FGD2: variants seen among roughly 807,000 people sequenced by gnomAD.
FGD2 encodes FYVE, RhoGEF and PH domain containing 2, also known as FYVE, RhoGEF and PH domain-containing protein 2.
In FGD2, 52 loss-of-function variants were observed where a neutral mutation model predicts 75.9. That is an observed-to-expected ratio of 0.69 (90% confidence interval 0.55 to 0.86). FGD2 has a LOEUF of 0.86. Ranked by LOEUF, FGD2 falls within the 40% of genes least tolerant of loss-of-function variation. FGD2 has a pLI of 0.00. For synonymous variants in FGD2, 347 were observed against 348.6 expected (o/e 1.00, Z 0.05); for missense variants, 790 against 872.0 (o/e 0.91, Z 1.18).
Position 37,008,965 on chromosome 6 carries a change from C to T in FGD2, c.200C>T (p.Thr67Ile). The T allele has an allele frequency of 1.9e-6, 3 of 1,614,262 alleles. No individual in the cohort carries two copies. The highest frequency in any genetic ancestry group is 2.5e-6 in the Non-Finnish European group (3 of 1,180,046). The change falls in exon 2 of 16, where the codon ACA becomes ATA. Residue 67 changes from threonine (T) to isoleucine (I), a missense_variant. Thr to Ile is a moderately conservative substitution (Grantham distance 89). Transcript: ENST00000274963. ...GAGGCCGTGGGGTCTGAGCCCAGGA[C>T]AGTCAGCAGGAGGTACCTGAACTCC... ...VGEAVGSEPR[T>I]VSRRYLNSLK...
chr6:37,016,263 TGAC>T (rs1200846346), intron 9 of FGD2, among the ~76,000 whole-genome samples: 1 of 152,200 alleles, frequency 6.6e-6, no homozygotes, highest in Non-Finnish European at 1.5e-5. Context: ...TAAGATGGGC[TGAC>T]AACTGACCCC....
At chr6:37,012,962 C>CTGTG (rs60644967) in intron 4 of FGD2, 2,496 of 125,888 alleles carry the variant, frequency 0.02, 147 homozygotes, top group African/African-American at 0.057. Context: ...TGGAAAAGTT[C>CTGTG]TGTGTGTGTG....
intron 6 of FGD2, 46 bp from the exon 7 acceptor site, chr6:37,014,600 C>T (rs1403935772): frequency 1.3e-5 from 21 of 1,607,258 alleles, no homozygotes; most frequent in Non-Finnish European, 1.7e-5. Flanking sequence ...CCCCAGCCAC[C>T]AGCCCTAGAT....
Position 37,027,556 on chromosome 6 carries a change from A to T in FGD2, c.1733A>T (p.Tyr578Phe), listed in dbSNP as rs200327931. The change falls in exon 15 of 16, where the codon TAT (tyrosine) becomes TTT (phenylalanine). Residue 578 changes from tyrosine to phenylalanine, a missense_variant. By Grantham distance (22) the Tyr-to-Phe change is conservative (BLOSUM62 3). Transcript: ENST00000274963. ...CCTCGGGATGACCCCCTCGTGCTCT[A>T]TGTCTATGCTGCCCCTCAGGTAAGG... Reference protein sequence around the residue: ...VIPRDDPLVLYVYAAPQDMRA... With the variant: ...VIPRDDPLVLFVYAAPQDMRA... 232 of 1,613,898 alleles carry T rather than the reference A, an allele frequency of 1.4e-4. 2 individuals carry two copies. The highest frequency in any genetic ancestry group is 1.0e-3 in the South Asian group (91 of 91,064).
At chr6:37,011,667 C>T in intron 3 of FGD2, 39 bp from the exon 4 acceptor site, 1 of 1,612,978 alleles carries the variant, frequency 6.2e-7, no homozygotes, top group South Asian at 1.1e-5. Context: ...TGGGTGGCTC[C>T]CTGTCACTGC....
At chr6:37,009,229 T>C in intron 2 of FGD2, 164 bp downstream of exon 2, 1 of 646,708 alleles carries the variant, frequency 1.5e-6, no homozygotes, top group Non-Finnish European at 2.6e-6. Flanking sequence ...TTAATGGCCT[T>C]TGATTCACTA....
chr6:37,016,695 G>A (rs1765318277), intron 9 of FGD2, among the ~76,000 whole-genome samples: 4 of 151,908 alleles, frequency 2.6e-5, no homozygotes, highest in South Asian at 4.2e-4. Context: ...CCCCATGCCC[G>A]GCCAATTTTT....
chr6:37,013,543 C>G, intron 4 of FGD2, 66 bp from the exon 5 acceptor site: 1 of 1,563,406 alleles, frequency 6.4e-7, no homozygotes, highest in Middle Eastern at 1.7e-4. Flanking sequence ...CCTGGCCTCA[C>G]CTGGCCCTAT....
intron 2 of FGD2, chr6:37,009,305 G>A (rs556150655): frequency 1.1e-5 from 5 of 475,686 alleles, no homozygotes; most frequent in Non-Finnish European, 1.9e-5. Flanking sequence ...TTTGGACAAG[G>A]AAGTTGAAAC....
At chr6:37,010,915 A>G in intron 2 of FGD2, 58 bp from the exon 3 acceptor site, 2 of 1,527,728 alleles carry the variant, frequency 1.3e-6, no homozygotes, top group South Asian at 2.2e-5. Flanking sequence ...TCCCCATCAG[A>G]GGAGACCAAA....
Position 37,028,632 on chromosome 6 carries a change from T to TTTTTTTTTTTTTTG in FGD2, c.*469_*470insTTTTTTTTTTTTTG, listed in dbSNP as rs58267479. On this transcript the variant is annotated 3_prime_UTR_variant, in exon 16 of 16. Coordinates refer to ENST00000274963, the MANE Select transcript of FGD2 (RefSeq NM_173558.4). ...CATGGGGTCTTTTTTTTTTTTTTTTTGAGACAGAGTCTTACTCTGTTTCCC... is the reference window on the plus strand; with the variant it reads ...CATGGGGTCTTTTTTTTTTTTTTTTTTTTTTTTTTTTTTGGAGACAGAGTCTTACTCTGTTTCCC... 1 of 145,812 alleles carries TTTTTTTTTTTTTTG rather than the reference T, an allele frequency of 6.9e-6. No homozygotes were observed. Among genetic ancestry groups the TTTTTTTTTTTTTTG allele is most frequent in the African/African-American group, 2.6e-5 (1 of 38,714 alleles). 9.0% of individuals were successfully genotyped at this position (145,812 alleles called of 1,614,324 possible). A position where few individuals can be genotyped will look rare whatever the true frequency, so the allele number is the denominator to read the frequency against.
At position 37,011,656 on chromosome 6, in the gene FGD2, G is replaced by A. The variant is rs1288495090; in HGVS notation, c.379-50G>A. On this transcript the variant is annotated intron_variant, in intron 3 of 15. Coordinates refer to ENST00000274963, the MANE Select transcript of FGD2 (RefSeq NM_173558.4). ...GACCCTAGTTCCCCCGGGCTGATGTGTGGGTGGCTCCCTGTCACTGCAGTG... is the reference window on the plus strand; with the variant it reads ...GACCCTAGTTCCCCCGGGCTGATGTATGGGTGGCTCCCTGTCACTGCAGTG... 5 of 1,611,706 alleles carry A rather than the reference G, an allele frequency of 3.1e-6. No homozygotes were observed. In the Admixed American group the frequency reaches 8.4e-5, roughly 27 times the overall value.
intron 4 of FGD2, 184 bp downstream of exon 4, chr6:37,012,038 T>G (rs914063551): frequency 1.6e-6 from 1 of 624,598 alleles, no homozygotes; most frequent in Non-Finnish European, 2.6e-6. Context: ...AGAGGCTGTG[T>G]GTGTGCAGAC....
Position 37,013,948 on chromosome 6 carries a change from C to G in FGD2, c.685-14C>G, listed in dbSNP as rs369593356. 98 of 1,611,494 alleles carry G rather than the reference C, an allele frequency of 6.1e-5. No individual in the cohort carries two copies. The Middle Eastern group carries it at 8.3e-4, about 14-fold the overall frequency. Reference sequence around the variant, plus strand: ...TCTCACCCTCTCCGTGTTGCTCCCCCATCCCTCCCCAAGAGCAGCGAGGCT... The same window carrying G: ...TCTCACCCTCTCCGTGTTGCTCCCCGATCCCTCCCCAAGAGCAGCGAGGCT... On this transcript the variant is annotated splice_polypyrimidine_tract_variant and intron_variant, in intron 5 of 15. Transcript: ENST00000274963.
chr6:37,023,638 A>C (rs1050626166), intron 13 of FGD2: 2 of 152,194 alleles, frequency 1.3e-5, no homozygotes, highest in Admixed American at 6.5e-5. Context: ...CCAGTCAGGG[A>C]GGTGTCCCCA....
In FGD2 at chr6:37,008,957, G is replaced by A. The variant is rs1241228616; in HGVS notation, c.192G>A (p.Glu64=). 6.2e-7 allele frequency: 1 copy of A among 1,614,260 alleles called. No homozygotes were observed. Residue 64 remains glutamate (E), a synonymous_variant, in exon 2 of 16, where the codon GAG becomes GAA. Coordinates refer to ENST00000274963, the MANE Select transcript of FGD2 (RefSeq NM_173558.4). ...KTNVGEAVGS[E]PRTVSRRYLN... ...ATGTCGGGGAGGCCGTGGGGTCTGA[G>A]CCCAGGACAGTCAGCAGGAGGTACC...
At chr6:37,012,864 A>G (rs1753291) in intron 4 of FGD2, among the ~76,000 whole-genome samples, 33,548 of 148,784 alleles carry the variant, frequency 0.23, 4,191 homozygotes, top group East Asian at 0.48. Context: ...TGTGCATCCC[A>G]GGAGTCAGGC....
Position 37,011,841 on chromosome 6 carries a change from C to T in FGD2, c.514C>T (p.Arg172Cys), listed in dbSNP as rs763769959. 85 of 1,613,748 alleles carry T rather than the reference C, an allele frequency of 5.3e-5. No individual in the cohort carries two copies. In the Middle Eastern group the frequency reaches 9.9e-4, roughly 19 times the overall value. The change falls in exon 4 of 16, where the codon CGC (arginine) becomes TGC (cysteine). Residue 172 changes from arginine to cysteine, a missense_variant. Physicochemically the swap from Arg to Cys is radical, Grantham distance 180. Coordinates refer to ENST00000274963, the MANE Select transcript of FGD2 (RefSeq NM_173558.4). ...SQFFLPELQR[R>C]LDDWTANPRI... The stretch of plus-strand genomic sequence containing the variant: ...GTTCTTCCTCCCAGAGCTGCAGCGG[C>T]GCCTGGACGACTGGTGAGGTCCACC...
intron 4 of FGD2, among the ~76,000 whole-genome samples, chr6:37,012,794 TGA>T (rs1370781083): frequency 6.7e-6 from 1 of 150,374 alleles, no homozygotes; most frequent in African/African-American, 2.4e-5. Flanking sequence ...TTTTTTTCAA[TGA>T]GAAAATCAGG....
Sources: gnomAD v4.1 joint callset for allele counts (sites outside exome capture counted in the v4.1 genomes callset) on GRCh38, gnomAD v4.1.1 for gene constraint, MANE v1.5 for transcripts, NCBI Gene and HGNC (gene_info 2026-07-23, HGNC 2026-07-21) for gene names.